Variants in PPP2R3A observed in about 807,000 individuals in gnomAD.
The protein encoded by PPP2R3A is protein phosphatase 2 regulatory subunit B''alpha.
Under a neutral mutation model 106.9 loss-of-function variants are expected in PPP2R3A, and 80 were observed. The observed-to-expected ratio is 0.75, with a 90% CI of 0.62 to 0.90. The LOEUF is 0.90. PPP2R3A is among the 40% of genes least tolerant of loss of function. The pLI, the probability that PPP2R3A is intolerant of heterozygous loss-of-function variation, is 0.00. For synonymous variants in PPP2R3A, 483 were observed against 468.3 expected (o/e 1.03, Z -0.41); for missense variants, 1,386 against 1,350.4 (o/e 1.03, Z -0.41).
Position 136,106,327 on chromosome 3 carries a change from G to C in PPP2R3A, c.3329+5G>C. ...CCAAGCACAATTCCAGGAAGGGTGA[G>C]TAAGTTTCCCTATGTCTTATAGAAT... On this transcript the variant is annotated splice_donor_5th_base_variant and intron_variant, in intron 13 of 13. Coordinates refer to ENST00000264977, the MANE Select transcript of PPP2R3A (RefSeq NM_002718.5). The C allele has an allele frequency of 6.2e-7, 1 of 1,611,570 alleles. No individual in the cohort carries two copies. The highest frequency in any genetic ancestry group is 8.5e-7 in the Non-Finnish European group (1 of 1,177,850).
At chr3:136,133,752 T>C (rs977696283) in intron 13 of PPP2R3A, among the ~76,000 whole-genome samples, 1 of 151,394 alleles carries the variant, frequency 6.6e-6, no homozygotes, top group African/African-American at 2.4e-5. Flanking sequence ...TGAGAGACTT[T>C]CAAGCAAGGA....
chr3:135,982,387 T>C (rs550631949), intron 1 of PPP2R3A, among the ~76,000 whole-genome samples: 1 of 152,166 alleles, frequency 6.6e-6, no homozygotes, highest in East Asian at 1.9e-4. Flanking sequence ...ACATGTAGGA[T>C]GTCCGCTGAA....
chr3:136,002,392 G>C lies in PPP2R3A; in HGVS notation c.894G>C (p.Gln298His). ...AAAAGTTACCATTTGAATTCATGCA[G>C]TCTGGGAATAATGAGGCTCTAGATT... ...YLKKLPFEFMQSGNNEALDLT... is the reference protein window; with the variant it reads ...YLKKLPFEFMHSGNNEALDLT... Residue 298 changes from glutamine to histidine, a missense_variant, in exon 2 of 14, where the codon CAG becomes CAC. By Grantham distance (24) the Gln-to-His change is conservative. Coordinates refer to ENST00000264977, the MANE Select transcript of PPP2R3A (RefSeq NM_002718.5). 1 of 1,613,950 alleles carries C rather than the reference G, an allele frequency of 6.2e-7. No homozygotes were observed. The highest frequency in any genetic ancestry group is 1.1e-5 in the South Asian group (1 of 91,068).
chr3:136,013,186 GTA>G (rs1559868790), intron 2 of PPP2R3A, among the ~76,000 whole-genome samples: 19,301 of 141,324 alleles, frequency 0.14, 1,358 homozygotes, highest in Middle Eastern at 0.18. Flanking sequence ...GTGTGTGTAT[GTA>G]TGTATGTATG....
Position 136,026,914 on chromosome 3 carries a change from C to G in PPP2R3A, c.2078C>G (p.Pro693Arg), listed in dbSNP as rs779347304. Reference sequence around the variant, plus strand: ...CCAAGTAGTCCCCGACCTCTCTCCCCGGTTCCCCATGTGAATAATGTTGTG... The same window carrying G: ...CCAAGTAGTCCCCGACCTCTCTCCCGGGTTCCCCATGTGAATAATGTTGTG... The part of the protein sequence containing the change: ...TSPSSPRPLS[P>R]VPHVNNVVNA... The change falls in exon 3 of 14, where the codon CCG (proline) becomes CGG (arginine). Residue 693 changes from proline (P) to arginine (R), a missense_variant. Physicochemically the swap from Pro to Arg is moderately radical, Grantham distance 103. Transcript: ENST00000264977. 3 of 1,613,348 alleles carry G rather than the reference C, an allele frequency of 1.9e-6. No homozygotes were observed. The highest frequency in any genetic ancestry group is 3.3e-5 in the Admixed American group (2 of 59,998).
intron 4 of PPP2R3A, among the ~76,000 whole-genome samples, chr3:136,046,419 A>G (rs1935472199): frequency 6.6e-6 from 1 of 151,174 alleles, no homozygotes; most frequent in Non-Finnish European, 1.5e-5. Context: ...GCGCTGTTGC[A>G]CTCCAGCCTA....
Position 136,001,989 on chromosome 3 carries a change from A to C in PPP2R3A, c.491A>C (p.His164Pro), listed in dbSNP as rs757702925. 1 of 1,614,040 alleles carries C rather than the reference A, an allele frequency of 6.2e-7. No homozygotes were observed. Among genetic ancestry groups the C allele is most frequent in the Non-Finnish European group, 8.5e-7 (1 of 1,180,024 alleles). ...RSVDLDLLCG[H>P]YNNDGNAPSF... is the part of the protein sequence containing the mutation. ...GTTGATTTGGACTTGCTTTGTGGCC[A>C]TTATAACAACGATGGGAACGCCCCA... Residue 164 changes from histidine (H) to proline (P), a missense_variant, in exon 2 of 14, where the codon CAT becomes CCT. His to Pro is a moderately conservative substitution (Grantham distance 77, BLOSUM62 -2). Coordinates refer to ENST00000264977, the MANE Select transcript of PPP2R3A (RefSeq NM_002718.5).
chr3:136,011,994 T>TACACACACAC (rs35643220), intron 2 of PPP2R3A, among the ~76,000 whole-genome samples: 69 of 148,278 alleles, frequency 4.7e-4, no homozygotes, highest in African/African-American at 1.6e-3. Context: ...CACACACACA[T>TACACACACAC]ACACACACAC....
intron 3 of PPP2R3A, among the ~76,000 whole-genome samples, chr3:136,030,001 T>A (rs375256998): frequency 2.6e-5 from 4 of 152,282 alleles, no homozygotes; most frequent in South Asian, 2.1e-4. Context: ...CGCTTGAGCC[T>A]GGGAGTCCAA....
chr3:136,092,253 C>G (rs1213554754), intron 10 of PPP2R3A, among the ~76,000 whole-genome samples: 2 of 152,096 alleles, frequency 1.3e-5, no homozygotes, highest in Non-Finnish European at 2.9e-5. Flanking sequence ...TTGCTTGAAC[C>G]CAGGAGGCAG....
chr3:136,050,746 TCTC>T (rs201476293), intron 5 of PPP2R3A, among the ~76,000 whole-genome samples: 3,746 of 152,228 alleles, frequency 0.025, 112 homozygotes, highest in Non-Finnish European at 0.03. Flanking sequence ...TCTGCAGAAA[TCTC>T]CTGCTGCCAT....
At chr3:136,143,473 A>G (rs1938961549) in intron 13 of PPP2R3A, among the ~76,000 whole-genome samples, 1 of 152,060 alleles carries the variant, frequency 6.6e-6, no homozygotes. Flanking sequence ...CCTGGGCAAC[A>G]GAGCAAGACT....
chr3:136,106,875 A>G (rs1937526115), intron 13 of PPP2R3A: 1 of 142,766 alleles, frequency 7.0e-6, no homozygotes, highest in Admixed American at 7.3e-5. Flanking sequence ...CAGTGAGCCG[A>G]GATCATGCCA....
At chr3:136,118,839 C>T (rs981403609) in intron 13 of PPP2R3A, among the ~76,000 whole-genome samples, 1 of 152,108 alleles carries the variant, frequency 6.6e-6, no homozygotes, top group Non-Finnish European at 1.5e-5. Context: ...CAAGCTACCA[C>T]TGACTTTCTT....
At chr3:136,128,749 A>G (rs1402181630) in intron 13 of PPP2R3A, among the ~76,000 whole-genome samples, 3 of 152,196 alleles carry the variant, frequency 2.0e-5, no homozygotes, top group Admixed American at 1.3e-4. Context: ...TTATTCCAAA[A>G]TTGACCACAT....
At chr3:136,141,288 A>C (rs1395105309) in intron 13 of PPP2R3A, among the ~76,000 whole-genome samples, 1 of 152,216 alleles carries the variant, frequency 6.6e-6, no homozygotes, top group Non-Finnish European at 1.5e-5. Flanking sequence ...GGCAGGGAGT[A>C]AAATATGTGA....
At chr3:135,976,668 G>A (rs879356104) in intron 1 of PPP2R3A, among the ~76,000 whole-genome samples, 4 of 151,990 alleles carry the variant, frequency 2.6e-5, no homozygotes, top group Admixed American at 6.6e-5. Context: ...TCCCTTTGTG[G>A]TATCTTTTGT....
Position 136,001,781 on chromosome 3 carries a change from C to T in PPP2R3A, c.283C>T (p.Pro95Ser), listed in dbSNP as rs1933633355. 2 of 1,613,990 alleles carry T rather than the reference C, an allele frequency of 1.2e-6. No homozygotes were observed. Among genetic ancestry groups the T allele is most frequent in the South Asian group, 2.2e-5 (2 of 91,088 alleles). The change falls in exon 2 of 14, where the codon CCC (proline) becomes TCC (serine). Residue 95 changes from proline (P) to serine (S), a missense_variant. Pro to Ser is a moderately conservative substitution (Grantham distance 74). Coordinates refer to ENST00000264977, the MANE Select transcript of PPP2R3A (RefSeq NM_002718.5). ...TCCCCAACAGGCCTTCACAGGCATA[C>T]CCAGGGTCAAGAGAGGATCTACATT... is the stretch of plus-strand genomic sequence containing the variant. ...DYPQQAFTGIPRVKRGSTFQN... is the reference protein window; with the variant it reads ...DYPQQAFTGISRVKRGSTFQN...
chr3:136,040,401 G>A (rs1488286778), intron 3 of PPP2R3A, among the ~76,000 whole-genome samples: 1 of 152,138 alleles, frequency 6.6e-6, no homozygotes, highest in East Asian at 1.9e-4. Flanking sequence ...TTTGCCAGGT[G>A]TGGTGGTGGG....
Sources: allele counts gnomAD v4.1 joint callset (sites outside exome capture counted in the v4.1 genomes callset), GRCh38; gene constraint gnomAD v4.1.1; transcripts MANE v1.5; gene names NCBI Gene and HGNC (gene_info 2026-07-23, HGNC 2026-07-21).